FAM228B: variants seen among roughly 807,000 people sequenced by gnomAD.
The protein encoded by FAM228B is family with sequence similarity 228 member B, also known as protein FAM228B.
A neutral mutation model predicts 42.6 loss-of-function variants in FAM228B; 38 were observed. That is an observed-to-expected ratio of 0.89 (90% CI 0.69 to 1.17). The LOEUF is 1.17. Ranked by LOEUF, FAM228B falls within the 50% of genes most tolerant of loss-of-function variation. FAM228B has a pLI of 0.00. For synonymous variants in FAM228B, 109 were observed against 122.3 expected (o/e 0.89, Z 0.72); for missense variants, 344 against 367.3 (o/e 0.94, Z 0.52).
At chr2:24,147,497 T>G (rs1666925618) in intron 7 of FAM228B, among the ~76,000 whole-genome samples, 1 of 152,162 alleles carries the variant, frequency 6.6e-6, no homozygotes, top group Non-Finnish European at 1.5e-5. Flanking sequence ...TTTTTCTTCC[T>G]CCTGAGACTC....
intron 3 of FAM228B, among the ~76,000 whole-genome samples, chr2:24,105,465 A>G (rs1036071230): frequency 2.0e-5 from 3 of 152,222 alleles, no homozygotes; most frequent in Admixed American, 6.5e-5. Flanking sequence ...TTTCATCCAA[A>G]GGACAGCAAC....
intron 7 of FAM228B, among the ~76,000 whole-genome samples, chr2:24,155,527 ATATATTTTTTTTTT>A (rs1456863382): frequency 4.6e-3 from 87 of 19,002 alleles, no homozygotes; most frequent in African/African-American, 0.014. Flanking sequence ...ATATATATAT[ATATATTTTTTTTTT>A]TTTTTTTTTT....
intron 7 of FAM228B, among the ~76,000 whole-genome samples, chr2:24,155,397 G>A (rs1053175379): frequency 1.3e-5 from 2 of 150,838 alleles, no homozygotes; most frequent in African/African-American, 4.9e-5. Context: ...CTAGCCTTAT[G>A]GGGGCTGGCG....
intron 9 of FAM228B, among the ~76,000 whole-genome samples, chr2:24,164,861 C>T (rs998492830): frequency 2.0e-5 from 3 of 152,126 alleles, no homozygotes; most frequent in African/African-American, 7.2e-5. Flanking sequence ...CACGCTTCCT[C>T]ACTCGGCACC....
chr2:24,146,711 T>G, intron 5 of FAM228B, 37 bp from the exon 6 acceptor site: 1 of 1,431,208 alleles, frequency 7.0e-7, no homozygotes, highest in Non-Finnish European at 9.6e-7. Context: ...CTACTCAGAC[T>G]TGCAACTCAG....
At chr2:24,149,945 A>G (rs4426488) in intron 7 of FAM228B, among the ~76,000 whole-genome samples, 88,434 of 152,112 alleles carry the variant, frequency 0.58, 26,409 homozygotes, top group East Asian at 0.75. Flanking sequence ...ATGACAACTT[A>G]AGACTGATTG....
intron 5 of FAM228B, among the ~76,000 whole-genome samples, chr2:24,145,669 T>C (rs1005277557): frequency 1.3e-5 from 2 of 151,604 alleles, no homozygotes; most frequent in African/African-American, 4.8e-5. Flanking sequence ...ATAGGTCACA[T>C]ACAAATACCT....
At chr2:24,097,190 A>G (rs1233575621) in intron 3 of FAM228B, 2 of 152,196 alleles carry the variant, frequency 1.3e-5, no homozygotes, top group Non-Finnish European at 2.9e-5. Context: ...TGTAAAGACC[A>G]TCGATGCTAT....
intron 2 of FAM228B, among the ~76,000 whole-genome samples, chr2:24,081,484 C>T (rs561167856): frequency 5.1e-4 from 77 of 152,344 alleles, no homozygotes; most frequent in Non-Finnish European, 5.7e-4. Flanking sequence ...AGGCAACACA[C>T]AGCCACCAGG....
At chr2:24,157,313 G>A (rs776579096) in intron 7 of FAM228B, among the ~76,000 whole-genome samples, 2 of 152,078 alleles carry the variant, frequency 1.3e-5, no homozygotes, top group Non-Finnish European at 2.9e-5. Flanking sequence ...CTTAACATGT[G>A]CTAATTTTGT....
intron 5 of FAM228B, among the ~76,000 whole-genome samples, chr2:24,144,732 C>T (rs1001045757): frequency 6.6e-6 from 1 of 152,162 alleles, no homozygotes. Flanking sequence ...GGACAGGCCC[C>T]ACCTGCAGCA....
chr2:24,119,756 T>C (rs1235605021), upstream of FAM228B: 3 of 1,035,960 alleles, frequency 2.9e-6, no homozygotes, highest in Non-Finnish European at 4.3e-6. Context: ...TCCAGCTACG[T>C]TTTTCACCAT....
intron 7 of FAM228B, among the ~76,000 whole-genome samples, chr2:24,159,607 C>T (rs1282073637): frequency 1.3e-5 from 2 of 152,120 alleles, no homozygotes; most frequent in African/African-American, 4.8e-5. Context: ...AATAGGAGTT[C>T]GGTACAGTTC....
chr2:24,130,409 C>T (rs1355780324), intron 2 of FAM228B, among the ~76,000 whole-genome samples: 1 of 152,214 alleles, frequency 6.6e-6, no homozygotes, highest in African/African-American at 2.4e-5. Context: ...AATGGTTGAA[C>T]TAATTTACAT....
At chr2:24,101,986 T>C (rs1665619307) in intron 3 of FAM228B, among the ~76,000 whole-genome samples, 2 of 152,166 alleles carry the variant, frequency 1.3e-5, no homozygotes, top group South Asian at 4.1e-4. Context: ...CCGGTCCCTA[T>C]TTTTTATTTT....
chr2:24,092,475 C>CT (rs35028238), intron 2 of FAM228B, among the ~76,000 whole-genome samples: 18,054 of 151,204 alleles, frequency 0.12, 1,248 homozygotes, highest in South Asian at 0.18. Context: ...ATTCGGGAGG[C>CT]GGGGCAGGAG....
chr2:24,156,894 G>C (rs1042235581), intron 7 of FAM228B, among the ~76,000 whole-genome samples: 1 of 151,380 alleles, frequency 6.6e-6, no homozygotes, highest in South Asian at 2.1e-4. Flanking sequence ...GTTTGGGTTT[G>C]GATGGTTCTT....
At chr2:24,107,760 CT>C (rs1665724678) in intron 3 of FAM228B, among the ~76,000 whole-genome samples, 1 of 152,170 alleles carries the variant, frequency 6.6e-6, no homozygotes, top group African/African-American at 2.4e-5. Context: ...ACAAGAATCT[CT>C]GGGACACAGC....
chr2:24,111,899 G>A (rs1665802572), intron 3 of FAM228B, among the ~76,000 whole-genome samples: 1 of 152,116 alleles, frequency 6.6e-6, no homozygotes, highest in African/African-American at 2.4e-5. Context: ...AAGCTATGGT[G>A]TAAAATTCCT....
Sources: gnomAD v4.1 joint callset for allele counts (sites outside exome capture counted in the v4.1 genomes callset) on GRCh38, gnomAD v4.1.1 for gene constraint, MANE v1.5 for transcripts, NCBI Gene and HGNC (gene_info 2026-07-23, HGNC 2026-07-21) for gene names.